The following GABRG3 variants were observed in gnomAD, a reference collection of about 807,000 sequenced individuals.
The protein encoded by GABRG3 is gamma-aminobutyric acid receptor subunit gamma-3.
In GABRG3, 25 loss-of-function variants were observed where a neutral mutation model predicts 48.8. The ratio of observed to expected loss-of-function variants is 0.51; its 90% confidence interval spans 0.37 to 0.72. The LOEUF is 0.72. Ranked by LOEUF, GABRG3 falls within the 30% of genes least tolerant of loss-of-function variation. The pLI, the probability that GABRG3 is intolerant of heterozygous loss-of-function variation, is 0.00. For synonymous variants in GABRG3, 227 were observed against 217.6 expected, an observed-to-expected ratio of 1.04 and a Z score of -0.38; for missense variants, 394 against 577.9, an observed-to-expected ratio of 0.68 and a Z score of 3.26.
intron 6 of GABRG3, among the ~76,000 whole-genome samples, chr15:27,494,589 A>C (rs1890437668): frequency 6.6e-6 from 1 of 152,138 alleles, no homozygotes; most frequent in Admixed American, 6.6e-5. Flanking sequence ...GTTTCCTATA[A>C]ATTGGTTTAT....
At chr15:27,508,780 C>T (rs2150857450) in intron 6 of GABRG3, among the ~76,000 whole-genome samples, 1 of 152,156 alleles carries the variant, frequency 6.6e-6, no homozygotes, top group East Asian at 1.9e-4. Flanking sequence ...GTGGCGTGAT[C>T]TCGGCTCACT....
chr15:26,980,092 T>G (rs1320835894), intron 2 of GABRG3, among the ~76,000 whole-genome samples: 1 of 152,108 alleles, frequency 6.6e-6, no homozygotes, highest in African/African-American at 2.4e-5. Flanking sequence ...GTTGTCAAAT[T>G]TATATGTTTA....
chr15:27,333,768 G>T (rs1036912192), intron 5 of GABRG3, among the ~76,000 whole-genome samples: 2 of 149,882 alleles, frequency 1.3e-5, no homozygotes, highest in East Asian at 4.0e-4. Flanking sequence ...TTCTCAGATT[G>T]TCAGGAGAAT....
At chr15:27,157,329 G>A (rs1898457515) in intron 3 of GABRG3, among the ~76,000 whole-genome samples, 1 of 152,034 alleles carries the variant, frequency 6.6e-6, no homozygotes, top group South Asian at 2.1e-4. Context: ...CATAATAGTT[G>A]GTAATATATG....
At chr15:27,433,358 T>A (rs935218251) in intron 5 of GABRG3, among the ~76,000 whole-genome samples, 1 of 152,226 alleles carries the variant, frequency 6.6e-6, no homozygotes, top group Non-Finnish European at 1.5e-5. Flanking sequence ...AATCAACATG[T>A]CAGGAAACCT....
chr15:27,100,150 G>A (rs1242777430), intron 3 of GABRG3, among the ~76,000 whole-genome samples: 1 of 151,230 alleles, frequency 6.6e-6, no homozygotes, highest in African/African-American at 2.4e-5. Context: ...CCCAGGAGGT[G>A]GAGGTTGCAG....
At chr15:27,375,042 G>C (rs544240617) in intron 5 of GABRG3, among the ~76,000 whole-genome samples, 1 of 152,108 alleles carries the variant, frequency 6.6e-6, no homozygotes, top group African/African-American at 2.4e-5. Flanking sequence ...GATAATTTTG[G>C]GGGGGTGGGT....
chr15:27,024,285 A>G (rs1301963536), intron 2 of GABRG3, among the ~76,000 whole-genome samples: 1 of 152,166 alleles, frequency 6.6e-6, no homozygotes, highest in Non-Finnish European at 1.5e-5. Flanking sequence ...TGTGCCCTAT[A>G]TGCACAGAAG....
chr15:27,421,118 G>C (rs1418863869), intron 5 of GABRG3, among the ~76,000 whole-genome samples: 1 of 152,166 alleles, frequency 6.6e-6, no homozygotes. Flanking sequence ...CTGGATACTG[G>C]CTCCTCGACC....
intron 5 of GABRG3, among the ~76,000 whole-genome samples, chr15:27,462,202 C>T (rs999789061): frequency 2.0e-5 from 3 of 152,128 alleles, no homozygotes; most frequent in African/African-American, 7.2e-5. Context: ...TCCTCACTCC[C>T]ACCACTCTCA....
chr15:27,011,212 C>A (rs1357972466), intron 2 of GABRG3, among the ~76,000 whole-genome samples: 4 of 152,130 alleles, frequency 2.6e-5, no homozygotes, highest in Admixed American at 1.3e-4. Context: ...ACCACAGCAT[C>A]TACTTTTTCA....
At chr15:27,523,511 C>T (rs956876574) in intron 7 of GABRG3, among the ~76,000 whole-genome samples, 1 of 151,622 alleles carries the variant, frequency 6.6e-6, no homozygotes, top group African/African-American at 2.4e-5. Context: ...TATCACTCAT[C>T]ATATCAAAAA....
chr15:27,045,307 C>T (rs901301583), intron 3 of GABRG3, among the ~76,000 whole-genome samples: 7 of 152,022 alleles, frequency 4.6e-5, no homozygotes, highest in Non-Finnish European at 7.4e-5. Context: ...GCAAAGGCCT[C>T]GTGCTAGGTG....
intron 3 of GABRG3, among the ~76,000 whole-genome samples, chr15:27,081,778 G>A (rs1056900251): frequency 8.5e-5 from 13 of 152,184 alleles, no homozygotes; most frequent in South Asian, 2.1e-4. Context: ...TGCTGTGGTC[G>A]ACCCCGCTCC....
chr15:27,051,637 C>G (rs2140710931), intron 3 of GABRG3, among the ~76,000 whole-genome samples: 1 of 152,318 alleles, frequency 6.6e-6, no homozygotes, highest in South Asian at 2.1e-4. Flanking sequence ...AGTCCCCAAC[C>G]TTTTTGGCAC....
chr15:27,225,176 A>G (rs368055087), intron 3 of GABRG3, among the ~76,000 whole-genome samples: 4 of 152,264 alleles, frequency 2.6e-5, no homozygotes, highest in East Asian at 1.9e-4. Context: ...AATAATCACA[A>G]TGTAGTACAC....
intron 3 of GABRG3, among the ~76,000 whole-genome samples, chr15:27,031,570 T>C (rs1896087751): frequency 6.6e-6 from 1 of 152,198 alleles, no homozygotes; most frequent in Non-Finnish European, 1.5e-5. Flanking sequence ...GCTCTGTGGA[T>C]TGTGGGACAG....
At chr15:27,076,038 C>T (rs1027838265) in intron 3 of GABRG3, among the ~76,000 whole-genome samples, 5 of 152,252 alleles carry the variant, frequency 3.3e-5, no homozygotes, top group African/African-American at 1.2e-4. Context: ...TGGGGGGCTT[C>T]CTCACAGTCT....
intron 3 of GABRG3, among the ~76,000 whole-genome samples, chr15:27,205,425 A>C (rs1888821273): frequency 6.6e-6 from 1 of 152,114 alleles, no homozygotes; most frequent in Admixed American, 6.5e-5. Context: ...GTAGAGGATT[A>C]GCTTTTTGAT....
Sources: allele counts gnomAD v4.1 joint callset (sites outside exome capture counted in the v4.1 genomes callset), GRCh38; gene constraint gnomAD v4.1.1; transcripts MANE v1.5; gene names NCBI Gene and HGNC (gene_info 2026-07-23, HGNC 2026-07-21).